The following FCRL3 variants were observed in gnomAD, a reference collection of about 807,000 sequenced individuals.
FCRL3 encodes the protein Fc receptor-like protein 3.
FCRL3 carries 89 observed loss-of-function variants against 75.0 expected under a neutral mutation model. The ratio of observed to expected loss-of-function variants is 1.19; its 90% CI spans 1.00 to 1.42. FCRL3 has a LOEUF of 1.42. Ranked by LOEUF, FCRL3 falls within the 40% of genes most tolerant of loss-of-function variation. The probability of loss-of-function intolerance (pLI) is 0.00; values close to 1 mark genes in which losing one functional copy is unlikely to be tolerated. For synonymous variants in FCRL3, 376 were observed against 348.5 expected, an observed-to-expected ratio of 1.08 and a Z score of -0.88; for missense variants, 946 against 880.0, an observed-to-expected ratio of 1.07 and a Z score of -0.95.
At chr1:157,692,930 A>C (rs1211466504) in intron 8 of FCRL3, among the ~76,000 whole-genome samples, 3 of 152,158 alleles carry the variant, frequency 2.0e-5, no homozygotes, top group African/African-American at 7.2e-5. Flanking sequence ...ACCTTTAAAA[A>C]TCCATGGAAA....
At position 157,697,418 on chromosome 1, in the gene FCRL3, A is replaced by G; in HGVS notation, c.566T>C (p.Phe189Ser). ...KPLNIQVQEL[F>S]LHPVLRASSS... ...GCTGGCTCTCAGCACAGGATGTAGA[A>G]ACAGCTCTAATGAAAAGAAACAACA... Residue 189 changes from phenylalanine to serine, a missense_variant, in exon 6 of 15, where the codon TTT becomes TCT. Physicochemically the swap from Phe to Ser is radical, Grantham distance 155. Coordinates refer to ENST00000368184, the MANE Select transcript of FCRL3 (RefSeq NM_052939.4). 1 of 1,538,378 alleles carries G rather than the reference A, an allele frequency of 6.5e-7. No individual in the cohort carries two copies.
intron 9 of FCRL3, 81 bp downstream of exon 9, chr1:157,690,174 C>G (rs550047170): frequency 1.5e-5 from 23 of 1,546,714 alleles, no homozygotes; most frequent in African/African-American, 1.2e-4. Flanking sequence ...CTCCTTGGTG[C>G]TAGTAGAATT....
At position 157,695,597 on chromosome 1, in the gene FCRL3, A is replaced by G; in HGVS notation, c.1143T>C (p.Ser381=). 1 of 1,605,554 alleles carries G rather than the reference A, an allele frequency of 6.2e-7. No individual in the cohort carries two copies. Among genetic ancestry groups the G allele is most frequent in the South Asian group, 1.1e-5 (1 of 90,324 alleles). The change falls in exon 8 of 15, where the codon TCT becomes TCC. Residue 381 remains serine, a synonymous_variant. Transcript: ENST00000368184. ...WIRVTVRIPV[S]HPVLTFRAPR... ...GAGCCCTGAAGGTGAGGACAGGGTG[A>G]GATACCGGAACTGAAGGAGACAAAA...
chr1:157,676,851 T>C lies in FCRL3; in HGVS notation c.*1859A>G. 6.5e-7 allele frequency: 1 copy of C among 1,538,832 alleles called. No homozygotes were observed. The highest frequency in any genetic ancestry group is 8.8e-7 in the Non-Finnish European group (1 of 1,142,120). Reference sequence around the variant, plus strand: ...TAAGGCACAAAGGGGCTTGGCAAGGTAATTCCAAATCAGCAGCAGGGTTAG... The same window carrying C: ...TAAGGCACAAAGGGGCTTGGCAAGGCAATTCCAAATCAGCAGCAGGGTTAG... On this transcript the variant is annotated 3_prime_UTR_variant, in exon 15 of 15. Transcript: ENST00000368184.
Position 157,678,824 on chromosome 1 carries a change from C to A in FCRL3, c.2091G>T (p.Lys697Asn), listed in dbSNP as rs748593499. The A allele has an allele frequency of 3.1e-6, 5 of 1,613,898 alleles. No individual in the cohort carries two copies. In the African/African-American group the frequency reaches 6.7e-5, roughly 22 times the overall value. Residue 697 changes from lysine to asparagine, a missense_variant, in exon 15 of 15, where the codon AAG (lysine) becomes AAT (asparagine). Coordinates refer to ENST00000368184, the MANE Select transcript of FCRL3 (RefSeq NM_052939.4). The part of the protein sequence containing the change: ...ELTVLYSELK[K>N]THPDDSAGEA... ...CCCCTGCAGAGTCGTCTGGGTGTGT[C>A]TTCTTCAGTTCTGAATAGAGGACTG...
chr1:157,676,959 C>A lies in FCRL3; in HGVS notation c.*1751G>T. On this transcript the variant is annotated 3_prime_UTR_variant, in exon 15 of 15. Transcript: ENST00000368184. ...ATTTTCACCATAGAGAAAAAAACAGCAGAATGTATCACATAGAAGACAGAG... is the reference window on the plus strand; with the variant it reads ...ATTTTCACCATAGAGAAAAAAACAGAAGAATGTATCACATAGAAGACAGAG... 1 of 1,392,820 alleles carries A rather than the reference C, an allele frequency of 7.2e-7. No individual in the cohort carries two copies. The highest frequency in any genetic ancestry group is 9.3e-7 in the Non-Finnish European group (1 of 1,072,916). The allele number at this position is 1,392,820 out of a possible 1,614,324, so 86.3% of individuals were successfully genotyped here.
intron 13 of FCRL3, 45 bp downstream of exon 13, chr1:157,680,657 T>A (rs1557820537): frequency 4.5e-6 from 7 of 1,560,894 alleles, no homozygotes; most frequent in Non-Finnish European, 6.2e-6. Context: ...CCCGTTTCAA[T>A]AAAACACTGC....
chr1:157,697,098 C>A (rs1390453116), intron 6 of FCRL3, 42 bp downstream of exon 6: 17 of 1,399,080 alleles, frequency 1.2e-5, no homozygotes, highest in African/African-American at 1.5e-5. Context: ...GCCTTCCTCT[C>A]CCCAGCTCTG....
chr1:157,700,539 G>A lies in FCRL3; in HGVS notation c.-50C>T, dbSNP rs370572153. The A allele has an allele frequency of 1.9e-4, 303 of 1,613,680 alleles. 3 individuals carry two copies. The South Asian group carries it at 3.0e-3, about 16-fold the overall frequency. On this transcript the variant is annotated 5_prime_UTR_variant, in exon 2 of 15. Transcript: ENST00000368184. Reference sequence around the variant, plus strand: ...GGAAAGTCTGTCTCACCAAAAGCCCGACTTATCTCCAAGAAGGAGGGCAGG... The same window carrying A: ...GGAAAGTCTGTCTCACCAAAAGCCCAACTTATCTCCAAGAAGGAGGGCAGG...
intron 9 of FCRL3, 24 bp downstream of exon 9, chr1:157,690,231 C>T (rs756634956): frequency 6.2e-7 from 1 of 1,611,454 alleles, no homozygotes; most frequent in Non-Finnish European, 8.5e-7. Flanking sequence ...ACTGTGACCT[C>T]TAGCCCAGGT....
At chr1:157,696,365 G>T (rs777663586) in intron 6 of FCRL3, 38 bp from the exon 7 acceptor site, 1 of 1,605,324 alleles carries the variant, frequency 6.2e-7, no homozygotes, top group Non-Finnish European at 8.5e-7. Context: ...GGTCCTGATG[G>T]CAGGGACATC....
At chr1:157,681,233 CTTT>C in intron 11 of FCRL3, 134 bp from the exon 12 acceptor site, 1 of 459,128 alleles carries the variant, frequency 2.2e-6, no homozygotes, top group Non-Finnish European at 3.7e-6. Flanking sequence ...CTGCTTGGGT[CTTT>C]TTTTTTAATT....
chr1:157,676,926 G>T lies in FCRL3; in HGVS notation c.*1784C>A. 1 of 1,422,934 alleles carries T rather than the reference G, an allele frequency of 7.0e-7. No homozygotes were observed. The highest frequency in any genetic ancestry group is 2.6e-5 in the East Asian group (1 of 39,192). The allele number at this position is 1,422,934 out of a possible 1,614,324, so 88.1% of individuals were successfully genotyped here. On this transcript the variant is annotated 3_prime_UTR_variant, in exon 15 of 15. Transcript: ENST00000368184. Reference sequence around the variant, plus strand: ...GCCTGGTGGTTGGTACCCAAAACCGGTTTACATATTTTCACCATAGAGAAA... The same window carrying T: ...GCCTGGTGGTTGGTACCCAAAACCGTTTTACATATTTTCACCATAGAGAAA...
Position 157,695,482 on chromosome 1 carries a change from C to T in FCRL3, c.1258G>A (p.Glu420Lys), listed in dbSNP as rs562126966. The T allele has an allele frequency of 3.0e-5, 49 of 1,614,182 alleles. No homozygotes were observed. The East Asian group carries it at 3.3e-4, about 11-fold the overall frequency. ...SPPILYRFYH[E>K]DVTLGNSSAP... ...GAGCTGTTCCCCAGGGTGACATCCT[C>T]ATGATAAAATCGGTACAGGATCGGG... is the stretch of plus-strand genomic sequence containing the variant. The change falls in exon 8 of 15, where the codon GAG (glutamate) becomes AAG (lysine). Residue 420 changes from glutamate (E) to lysine (K), a missense_variant. Transcript: ENST00000368184.
intron 8 of FCRL3, among the ~76,000 whole-genome samples, chr1:157,694,917 G>A (rs1009699251): frequency 1.6e-4 from 24 of 152,192 alleles, no homozygotes; most frequent in African/African-American, 5.8e-4. Context: ...GAGCCAAGTG[G>A]GAATTTAGAT....
chr1:157,685,206 T>A (rs1315319355), intron 10 of FCRL3, among the ~76,000 whole-genome samples: 1 of 151,504 alleles, frequency 6.6e-6, no homozygotes, highest in Non-Finnish European at 1.5e-5. Flanking sequence ...GCATCCCAGA[T>A]AAACAATGAG....
At chr1:157,696,957 C>T in intron 6 of FCRL3, 183 bp downstream of exon 6, 3 of 457,180 alleles carry the variant, frequency 6.6e-6, no homozygotes, top group Non-Finnish European at 7.2e-6. Context: ...TTACTATTAC[C>T]TGACTCAAGT....
chr1:157,692,666 C>T (rs952779360), intron 8 of FCRL3, among the ~76,000 whole-genome samples: 3 of 152,170 alleles, frequency 2.0e-5, no homozygotes, highest in African/African-American at 4.8e-5. Flanking sequence ...AGATACGTTA[C>T]GTGTTTTTCC....
In FCRL3 at chr1:157,678,388, T is replaced by A; in HGVS notation, c.*322A>T. ...CGATCACACTTGGATCAAATGGTCA[T>A]GATTGTGCCCTTGTAACCCTGGCTA... On this transcript the variant is annotated 3_prime_UTR_variant, in exon 15 of 15. Coordinates refer to ENST00000368184, the MANE Select transcript of FCRL3 (RefSeq NM_052939.4). 3.4e-6 allele frequency: 4 copies of A among 1,171,362 alleles called. No homozygotes were observed. The highest frequency in any genetic ancestry group is 4.2e-6 in the Non-Finnish European group (4 of 942,728). 72.6% of individuals were successfully genotyped at this position (1,171,362 alleles called of 1,614,324 possible).
Sources: allele counts gnomAD v4.1 joint callset (sites outside exome capture counted in the v4.1 genomes callset), GRCh38; gene constraint gnomAD v4.1.1; transcripts MANE v1.5; gene names NCBI Gene and HGNC (gene_info 2026-07-23, HGNC 2026-07-21).